The following CAMKK2 variants were observed in gnomAD, a reference collection of about 807,000 sequenced individuals.
The protein encoded by CAMKK2 is calcium/calmodulin-dependent protein kinase kinase 2.
In CAMKK2, 30 loss-of-function variants were observed where a neutral mutation model predicts 67.2. The observed-to-expected ratio is 0.45, with a 90% CI of 0.33 to 0.61. The LOEUF is 0.61. Among genes scored for constraint, CAMKK2 ranks in the 20% least tolerant of loss-of-function variants. The pLI is 0.02. For missense variants in CAMKK2, 643 were observed against 802.0 expected (o/e 0.80, Z 2.39); for synonymous variants, 322 against 326.2 (o/e 0.99, Z 0.14).
chr12:121,289,071 C>G lies in CAMKK2; in HGVS notation c.-60+7567G>C, dbSNP rs75030130. Among the ~76,000 whole-genome samples, 662 of 152,196 alleles carry G rather than the reference C, an allele frequency of 4.3e-3. 4 individuals are homozygous for G. The highest frequency in any genetic ancestry group is 0.015 in the African/African-American group (628 of 41,520). ...AGCCTGTCACCAGCACCAATCCCCC[C>G]ACCCCACCCCAACCAAAAGAGCGGG... On this transcript the variant is annotated intron_variant, in intron 1 of 16. Coordinates refer to ENST00000404169, the MANE Select transcript of CAMKK2 (RefSeq NM_001270485.2).
chr12:121,270,519 ATTAC>A (rs2136399826), intron 3 of CAMKK2, among the ~76,000 whole-genome samples: 1 of 152,104 alleles, frequency 6.6e-6, no homozygotes, highest in East Asian at 1.9e-4. Context: ...ACTCCTTTAT[ATTAC>A]TTACTTGTTT....
Position 121,296,212 on chromosome 12 carries a change from G to A in CAMKK2, c.-60+426C>T, listed in dbSNP as rs1901159136. ...CGAGACAGGCAGGCTGCGGGGTGGG[G>A]GTGCTCCAAGTCCGCTGGTCCTCTC... On this transcript the variant is annotated intron_variant, in intron 1 of 16. Coordinates refer to ENST00000404169, the MANE Select transcript of CAMKK2 (RefSeq NM_001270485.2). This position sits in a 1 kb window ranked among gnomAD's most constrained non-coding sequence, Gnocchi z 7.1. Among the ~76,000 whole-genome samples, 1 of 152,048 alleles carries A rather than the reference G, an allele frequency of 6.6e-6. No individual in the cohort carries two copies. Among genetic ancestry groups the A allele is most frequent in the Non-Finnish European group, 1.5e-5 (1 of 67,992 alleles).
intron 1 of CAMKK2, among the ~76,000 whole-genome samples, chr12:121,292,733 T>C (rs1900312916): frequency 6.6e-6 from 1 of 152,042 alleles, no homozygotes; most frequent in Non-Finnish European, 1.5e-5. Context: ...TTTGGGAGCC[T>C]GAGCCTAGAG....
At chr12:121,289,333 T>G (rs1899486043) in intron 1 of CAMKK2, among the ~76,000 whole-genome samples, 1 of 152,194 alleles carries the variant, frequency 6.6e-6, no homozygotes, top group South Asian at 2.1e-4. Flanking sequence ...CTTTCCCATT[T>G]GGATCACTAA....
chr12:121,272,885 A>C (rs1896045132), intron 2 of CAMKK2, among the ~76,000 whole-genome samples: 1 of 151,394 alleles, frequency 6.6e-6, no homozygotes, highest in African/African-American at 2.4e-5. Context: ...CAACAACAAC[A>C]AAAAAAAGCC....
intron 1 of CAMKK2, among the ~76,000 whole-genome samples, chr12:121,293,073 C>A (rs1325395489): frequency 6.6e-6 from 1 of 151,986 alleles, no homozygotes; most frequent in Non-Finnish European, 1.5e-5. Context: ...GTCAGGAGTT[C>A]GAGACCAGCC....
intron 11 of CAMKK2, among the ~76,000 whole-genome samples, chr12:121,251,075 G>A (rs147787664): frequency 3.4e-4 from 52 of 152,246 alleles, no homozygotes; most frequent in African/African-American, 1.0e-3. Context: ...ATCCTTACAC[G>A]GGACACTGAA....
Position 121,268,620 on chromosome 12 carries a change from A to G in CAMKK2, c.625+18T>C. On this transcript the variant is annotated intron_variant, in intron 5 of 16. Coordinates refer to ENST00000404169, the MANE Select transcript of CAMKK2 (RefSeq NM_001270485.2). ...GTCCCAGCCCCTGTACCTAACAACAAAGGCCCGCCAAACTCACGTGGAAAG... is the reference window on the plus strand; with the variant it reads ...GTCCCAGCCCCTGTACCTAACAACAGAGGCCCGCCAAACTCACGTGGAAAG... 1 of 1,613,218 alleles carries G rather than the reference A, an allele frequency of 6.2e-7. No individual in the cohort carries two copies. The highest frequency in any genetic ancestry group is 8.5e-7 in the Non-Finnish European group (1 of 1,179,294).
intron 1 of CAMKK2, among the ~76,000 whole-genome samples, chr12:121,282,210 G>A (rs1432865566): frequency 6.6e-6 from 1 of 152,066 alleles, no homozygotes; most frequent in East Asian, 1.9e-4. Context: ...GGAGGCAACA[G>A]AAACAAGTTT....
chr12:121,243,623 T>C (rs377001765), intron 16 of CAMKK2: 42 of 160,932 alleles, frequency 2.6e-4, no homozygotes, highest in East Asian at 1.8e-3. Context: ...ACGTCCAGAA[T>C]AGGCAAATCC....
Position 121,268,808 on chromosome 12 carries a change from C to T in CAMKK2, c.574-119G>A. The T allele has an allele frequency of 5.6e-6, 5 of 887,628 alleles. No individual in the cohort carries two copies. In the Admixed American group the frequency reaches 8.9e-5, roughly 16 times the overall value. 55.0% of individuals were successfully genotyped at this position (887,628 alleles called of 1,614,324 possible). On this transcript the variant is annotated intron_variant, in intron 4 of 16. Coordinates refer to ENST00000404169, the MANE Select transcript of CAMKK2 (RefSeq NM_001270485.2). ...CAAAGCCGGCCCAAGCTCCTGGCCCCCTGGCAGGCTCAGGTCAACAGAGTG... is the reference window on the plus strand; with the variant it reads ...CAAAGCCGGCCCAAGCTCCTGGCCCTCTGGCAGGCTCAGGTCAACAGAGTG...
chr12:121,238,048 T>C lies in CAMKK2; in HGVS notation c.*2651A>G, dbSNP rs1428846838. On this transcript the variant is annotated 3_prime_UTR_variant, in exon 17 of 17. Transcript: ENST00000404169. ...GTGAAGCTCCCCGCTGGAAGACAAG[T>C]GAGAGCGACAGGCCAGGCCTGTGTG... The C allele has an allele frequency of 3.9e-5, 6 of 152,558 alleles. No individual in the cohort carries two copies. Among genetic ancestry groups the C allele is most frequent in the Non-Finnish European group, 8.8e-5 (6 of 68,064 alleles). The allele number at this position is 152,558 out of a possible 1,614,324, so 9.5% of individuals were successfully genotyped here. A position where few individuals can be genotyped will look rare whatever the true frequency, so the allele number is the denominator to read the frequency against.
chr12:121,248,785 G>T (rs766694405), intron 13 of CAMKK2, 51 bp from the exon 14 acceptor site: 1 of 1,609,438 alleles, frequency 6.2e-7, no homozygotes, highest in Non-Finnish European at 8.5e-7. Context: ...GGCTACCGGG[G>T]GGCCCTGCCA....
In CAMKK2 at chr12:121,263,806, C is replaced by G. The variant is rs1170585723; in HGVS notation, c.759G>C (p.Glu253Asp). ...LDHPNVVKLV[E>D]VLDDPNEDHL... ...CTCCTGGGCGCCTCCACCCTTTTACCTCCACCAGCTTCACCACATTGGGGT... is the reference window on the plus strand; with the variant it reads ...CTCCTGGGCGCCTCCACCCTTTTACGTCCACCAGCTTCACCACATTGGGGT... The change falls in exon 6 of 17, where the codon GAG becomes GAC. Residue 253 changes from glutamate (E) to aspartate (D), a missense_variant and splice_region_variant. Glu to Asp is a conservative substitution (Grantham distance 45). Coordinates refer to ENST00000404169, the MANE Select transcript of CAMKK2 (RefSeq NM_001270485.2). 1 of 1,604,750 alleles carries G rather than the reference C, an allele frequency of 6.2e-7. No homozygotes were observed. Among genetic ancestry groups the G allele is most frequent in the Admixed American group, 1.7e-5 (1 of 59,562 alleles).
chr12:121,246,260 G>T (rs796231807), intron 14 of CAMKK2, among the ~76,000 whole-genome samples: 2 of 150,160 alleles, frequency 1.3e-5, no homozygotes, highest in Non-Finnish European at 3.0e-5. Context: ...GAGCGGGGGG[G>T]GGGAGGCGGG....
intron 1 of CAMKK2, among the ~76,000 whole-genome samples, chr12:121,286,363 G>A (rs1898736669): frequency 6.6e-6 from 1 of 152,218 alleles, no homozygotes; most frequent in East Asian, 1.9e-4. Flanking sequence ...GGGAAGGGCT[G>A]ATGAACAGGG....
At chr12:121,267,392 A>T (rs1593393634) in intron 5 of CAMKK2, among the ~76,000 whole-genome samples, 1 of 151,748 alleles carries the variant, frequency 6.6e-6, no homozygotes, top group Non-Finnish European at 1.5e-5. Flanking sequence ...GATTATAGGC[A>T]TGAGCCACCG....
At position 121,270,909 on chromosome 12, in the gene CAMKK2, C is replaced by T. The variant is rs1593411562; in HGVS notation, c.508G>A (p.Glu170Lys). Residue 170 changes from glutamate (E) to lysine (K), a missense_variant, in exon 3 of 17, where the codon GAA becomes AAA. By Grantham distance (56) the Glu-to-Lys change is moderately conservative. Transcript: ENST00000404169. ...CCAGGGATATTTACCTTTCCAATTT[C>T]ATCCTTCAGGGTATACTGATTCAGC... is the stretch of plus-strand genomic sequence containing the variant. Reference protein sequence around the residue: ...VQLNQYTLKDEIGKGSYGVVK... With the variant: ...VQLNQYTLKDKIGKGSYGVVK... 1.9e-6 allele frequency: 3 copies of T among 1,613,518 alleles called. No individual in the cohort carries two copies. Among genetic ancestry groups the T allele is most frequent in the Non-Finnish European group, 2.5e-6 (3 of 1,179,502 alleles).
chr12:121,288,614 C>T (rs556599865), intron 1 of CAMKK2, among the ~76,000 whole-genome samples: 5 of 152,292 alleles, frequency 3.3e-5, no homozygotes, highest in Non-Finnish European at 7.4e-5. Context: ...TTAAACTTCT[C>T]TAACAGAAGC....
Sources: gnomAD v4.1 joint callset for allele counts (sites outside exome capture counted in the v4.1 genomes callset) on GRCh38, gnomAD v4.1.1 for gene constraint, Gnocchi (gnomAD v3.1) non-coding constraint, MANE v1.5 for transcripts, NCBI Gene and HGNC (gene_info 2026-07-23, HGNC 2026-07-21) for gene names.